Variants in PCDHGA2 observed in about 807,000 individuals in gnomAD.
The protein encoded by PCDHGA2 is protocadherin gamma-A2.
In PCDHGA2, 40 loss-of-function variants were observed where a neutral mutation model predicts 59.2. The ratio of observed to expected loss-of-function variants is 0.68; its 90% confidence interval spans 0.52 to 0.88. The LOEUF (loss-of-function observed/expected upper bound fraction) is 0.88, where lower values mean the gene tolerates loss of function less well. Among genes scored for constraint, PCDHGA2 ranks in the 40% least tolerant of loss-of-function variants. PCDHGA2 has a pLI of 0.00. For synonymous variants in PCDHGA2, 560 were observed against 526.0 expected (o/e 1.06, Z -0.89); for missense variants, 1,226 against 1,204.0 (o/e 1.02, Z -0.27).
chr5:141,368,012 T>C (rs1301562712), intron 1 of PCDHGA2, among the ~76,000 whole-genome samples: 2 of 152,238 alleles, frequency 1.3e-5, no homozygotes, highest in Admixed American at 1.3e-4. Flanking sequence ...AATACTGGCC[T>C]ATGTGCCTCA....
At chr5:141,400,032 C>T (rs770927016) in intron 1 of PCDHGA2, 1 of 1,613,282 alleles carries the variant, frequency 6.2e-7, no homozygotes, top group Admixed American at 1.7e-5. Flanking sequence ...ACGCGGCCCG[C>T]CAGCGCCTGC....
intron 1 of PCDHGA2, chr5:141,360,177 G>T (rs1278032016): frequency 1.9e-6 from 3 of 1,609,920 alleles, no homozygotes; most frequent in African/African-American, 2.7e-5. Context: ...TGCGGTGGCT[G>T]CAGGTACTGT....
intron 1 of PCDHGA2, chr5:141,414,447 C>A (rs2095748360): frequency 1.2e-6 from 2 of 1,613,848 alleles, no homozygotes; most frequent in East Asian, 2.2e-5. Flanking sequence ...CTTACAATAT[C>A]ACAGTGACAG....
At position 141,409,348 on chromosome 5, in the gene PCDHGA2, C is replaced by T. The variant is rs115471135; in HGVS notation, c.2424+67953C>T. The T allele has an allele frequency of 4.7e-4, 755 of 1,614,018 alleles. 4 individuals carry two copies. The African/African-American group carries it at 8.3e-3, about 18-fold the overall frequency. On this transcript the variant is annotated intron_variant, in intron 1 of 3. Coordinates refer to ENST00000394576, the MANE Select transcript of PCDHGA2 (RefSeq NM_018915.4). Reference sequence around the variant, plus strand: ...TGGATTTCGGAGGAAATGGAGAAGTCAGGTGTAATATAGAAACAGACATTC... The same window carrying T: ...TGGATTTCGGAGGAAATGGAGAAGTTAGGTGTAATATAGAAACAGACATTC...
intron 1 of PCDHGA2, among the ~76,000 whole-genome samples, chr5:141,474,747 A>AGACAAATAT (rs1447050692): frequency 6.6e-6 from 1 of 152,264 alleles, no homozygotes; most frequent in African/African-American, 2.4e-5. Context: ...GTGATGTCCA[A>AGACAAATAT]GACAAATATA....
intron 1 of PCDHGA2, chr5:141,345,445 T>C (rs1757575354): frequency 6.2e-7 from 1 of 1,613,840 alleles, no homozygotes; most frequent in African/African-American, 1.3e-5. Flanking sequence ...GGAGCCTCCA[T>C]CTTCTCAGTG....
In PCDHGA2 at chr5:141,376,236, G is replaced by T. The variant is rs202155785; in HGVS notation, c.2424+34841G>T. ...GTGCTGCTGGCGCTCAGACTGCAGCGCTGGCACAAGTCACGCCTGCTGCAG... is the reference window on the plus strand; with the variant it reads ...GTGCTGCTGGCGCTCAGACTGCAGCTCTGGCACAAGTCACGCCTGCTGCAG... On this transcript the variant is annotated intron_variant, in intron 1 of 3. Coordinates refer to ENST00000394576, the MANE Select transcript of PCDHGA2 (RefSeq NM_018915.4). The T allele has an allele frequency of 2.8e-3, 4,477 of 1,614,208 alleles. 145 individuals carry two copies. In the South Asian group the frequency reaches 0.046, roughly 17 times the overall value.
At position 141,450,007 on chromosome 5, in the gene PCDHGA2, T is replaced by TA. The variant is rs57702245; in HGVS notation, c.2425-44800_2425-44799insA. Among the ~76,000 whole-genome samples the TA allele has an allele frequency of 5.9e-4, 19 of 31,956 alleles. No homozygotes were observed. In the African/African-American group the frequency reaches 7.8e-3, roughly 13 times the overall value. 21.0% of individuals were successfully genotyped at this position (31,956 alleles called of 152,430 possible). A position where few individuals can be genotyped will look rare whatever the true frequency, so the allele number is the denominator to read the frequency against. On this transcript the variant is annotated intron_variant, in intron 1 of 3. Coordinates refer to ENST00000394576, the MANE Select transcript of PCDHGA2 (RefSeq NM_018915.4). Reference sequence around the variant, plus strand: ...ACATTGCATTTAGTTGCCATGTCTCTTTTTTTTTTTTTTTTTTGAGACAGG... The same window carrying TA: ...ACATTGCATTTAGTTGCCATGTCTCTATTTTTTTTTTTTTTTTTGAGACAGG...
intron 1 of PCDHGA2, chr5:141,362,307 G>A (rs1762432335): frequency 6.2e-7 from 1 of 1,613,910 alleles, no homozygotes; most frequent in Non-Finnish European, 8.5e-7. Flanking sequence ...CAGATGCTTG[G>A]GACTGTTTTC....
rs773522759 is a variant in PCDHGA2, at chr5:141,419,457, A to G, written c.2425-75350A>G. The G allele has an allele frequency of 7.4e-6, 12 of 1,612,610 alleles. No homozygotes were observed. The South Asian group carries it at 1.3e-4, about 18-fold the overall frequency. On this transcript the variant is annotated intron_variant, in intron 1 of 3. Transcript: ENST00000394576. ...CTGCGCACCTTCGAGCTCACGCTGC[A>G]GGCCCGCGACCAGGGCTCGCCCGCG...
In PCDHGA2 at chr5:141,383,270, T is replaced by C. The variant is rs373497176; in HGVS notation, c.2424+41875T>C. 25 of 1,613,746 alleles carry C rather than the reference T, an allele frequency of 1.5e-5. No homozygotes were observed. Among genetic ancestry groups the C allele is most frequent in the East Asian group, 1.1e-4 (5 of 44,896 alleles). On this transcript the variant is annotated intron_variant, in intron 1 of 3. Transcript: ENST00000394576. ...CTTTACCCTATAGACGTGGAAATAA[T>C]AGATATTAATGACAACGTTCCAAGA...
intron 1 of PCDHGA2, chr5:141,374,688 G>T (rs750510871): frequency 1.2e-6 from 2 of 1,609,528 alleles, no homozygotes; most frequent in South Asian, 2.2e-5. Context: ...ACACTGGACC[G>T]GGAAGGAGAA....
In PCDHGA2 at chr5:141,485,865, C is replaced by T. The variant is rs1214425261; in HGVS notation, c.2425-8942C>T. The stretch of plus-strand genomic sequence containing the variant: ...TCTGGCACCGCAGAGCTCCGGGTAT[C>T]CGTGCTGGACGTAAACGACAACGCC... On this transcript the variant is annotated intron_variant, in intron 1 of 3. Transcript: ENST00000394576. The surrounding 1 kb of genome is among the most constrained non-coding windows in gnomAD (Gnocchi z 5.7). 23 of 1,614,182 alleles carry T rather than the reference C, an allele frequency of 1.4e-5. No homozygotes were observed. Among genetic ancestry groups the T allele is most frequent in the Non-Finnish European group, 1.8e-5 (21 of 1,180,034 alleles).
chr5:141,397,510 C>T (rs979129643), intron 1 of PCDHGA2, among the ~76,000 whole-genome samples: 2 of 152,098 alleles, frequency 1.3e-5, no homozygotes, highest in African/African-American at 2.4e-5. Context: ...AAAATTGTTT[C>T]CATAGCTAAT....
At chr5:141,426,657 A>G (rs1369635444) in intron 1 of PCDHGA2, 2 of 425,278 alleles carry the variant, frequency 4.7e-6, no homozygotes, top group Non-Finnish European at 9.7e-6. Flanking sequence ...GATAGAAGAT[A>G]TAAATGATAA....
chr5:141,443,226 A>T (rs2098374954), intron 1 of PCDHGA2, among the ~76,000 whole-genome samples: 1 of 152,042 alleles, frequency 6.6e-6, no homozygotes, highest in Non-Finnish European at 1.5e-5. Flanking sequence ...CGCATCTATA[A>T]TCTTAGCACT....
intron 1 of PCDHGA2, chr5:141,356,697 A>C (rs1760310334): frequency 6.2e-7 from 1 of 1,613,888 alleles, no homozygotes; most frequent in Non-Finnish European, 8.5e-7. Context: ...TCCAGGGTGC[A>C]CCTCTGTCCT....
chr5:141,458,633 A>C (rs548586597), intron 1 of PCDHGA2, among the ~76,000 whole-genome samples: 12 of 151,884 alleles, frequency 7.9e-5, no homozygotes, highest in Non-Finnish European at 1.5e-4. Flanking sequence ...GCAGTGGCAC[A>C]ATCCCAGCTC....
chr5:141,447,329 G>A (rs1328071539), intron 1 of PCDHGA2, among the ~76,000 whole-genome samples: 6 of 151,732 alleles, frequency 4.0e-5, no homozygotes, highest in Admixed American at 1.3e-4. Context: ...TAGTAGAGAC[G>A]GGTTTCATCA....
Sources: gnomAD v4.1 joint callset for allele counts (sites outside exome capture counted in the v4.1 genomes callset) on GRCh38, gnomAD v4.1.1 for gene constraint, Gnocchi (gnomAD v3.1) non-coding constraint, MANE v1.5 for transcripts, NCBI Gene and HGNC (gene_info 2026-07-23, HGNC 2026-07-21) for gene names.